ATAD1: variants seen among roughly 807,000 people sequenced by gnomAD.
ATAD1 encodes the protein ATPase family AAA domain containing 1.
ATAD1 carries 18 observed loss-of-function variants against 42.7 expected under a neutral mutation model. The observed-to-expected ratio is 0.42, with a 90% confidence interval of 0.29 to 0.63. ATAD1 has a LOEUF of 0.63. ATAD1 is among the 20% of genes least tolerant of loss of function. ATAD1 has a pLI of 0.19. For missense variants in ATAD1, 294 were observed against 440.4 expected, an observed-to-expected ratio of 0.67 and a Z score of 2.98; for synonymous variants, 132 against 143.1, an observed-to-expected ratio of 0.92 and a Z score of 0.55.
At chr10:87,811,080 C>A (rs532738795) in intron 2 of ATAD1, among the ~76,000 whole-genome samples, 6 of 152,292 alleles carry the variant, frequency 3.9e-5, no homozygotes, top group African/African-American at 1.2e-4. Flanking sequence ...CACCTGTAAT[C>A]TCAGCACTTT....
rs1293733667 is a variant in ATAD1, at chr10:87,751,726, A to C, written c.*2961T>G. On this transcript the variant is annotated 3_prime_UTR_variant, in exon 10 of 10. Transcript: ENST00000680024. Reference sequence around the variant, plus strand: ...ATTTCTGTCAGCTCTAGATGGAATTATTCTATGACTTCATTTGAAGCACCC... The same window carrying C: ...ATTTCTGTCAGCTCTAGATGGAATTCTTCTATGACTTCATTTGAAGCACCC... 1.3e-5 allele frequency: 2 copies of C among 152,238 alleles called. No homozygotes were observed. The highest frequency in any genetic ancestry group is 4.8e-5 in the African/African-American group (2 of 41,470). The allele number at this position is 152,238 out of a possible 1,614,324, so 9.4% of individuals were successfully genotyped here.
chr10:87,784,912 G>C (rs1344027851), intron 4 of ATAD1, among the ~76,000 whole-genome samples: 5 of 152,148 alleles, frequency 3.3e-5, no homozygotes, highest in African/African-American at 1.2e-4. Flanking sequence ...TCATGAAAAG[G>C]TTCAGTTTAA....
intron 4 of ATAD1, among the ~76,000 whole-genome samples, chr10:87,787,202 C>T (rs1855880461): frequency 6.6e-6 from 1 of 152,180 alleles, no homozygotes; most frequent in Non-Finnish European, 1.5e-5. Context: ...TTATAACCAA[C>T]TTCAACAAAT....
intron 2 of ATAD1, among the ~76,000 whole-genome samples, chr10:87,795,650 G>C (rs1323108835): frequency 6.6e-6 from 1 of 151,710 alleles, no homozygotes; most frequent in Non-Finnish European, 1.5e-5. Context: ...ACCCTTTCAT[G>C]CTATTTCACT....
chr10:87,811,517 AATTATGCTGC>A (rs1272273880), intron 2 of ATAD1, among the ~76,000 whole-genome samples: 7 of 152,246 alleles, frequency 4.6e-5, no homozygotes, highest in African/African-American at 1.4e-4. Context: ...TCAGCTTACC[AATTATGCTGC>A]ATTACACCAC....
chr10:87,769,898 G>A (rs763813968), intron 7 of ATAD1, among the ~76,000 whole-genome samples: 1 of 151,720 alleles, frequency 6.6e-6, no homozygotes. Context: ...AGCCAAGATC[G>A]CGTCACTGCA....
upstream of ATAD1, among the ~76,000 whole-genome samples, chr10:87,821,831 T>G (rs966932112): frequency 2.0e-5 from 3 of 152,236 alleles, no homozygotes; most frequent in African/African-American, 7.2e-5. Context: ...AGCCTATCAG[T>G]AAATCAGTAA....
intron 1 of ATAD1, among the ~76,000 whole-genome samples, chr10:87,839,657 T>G (rs1857994192): frequency 6.6e-6 from 1 of 152,090 alleles, no homozygotes; most frequent in African/African-American, 2.4e-5. Context: ...CTAAGGCAAT[T>G]TCATGTTATG....
chr10:87,816,275 CCATT>C (rs1857410732), intron 1 of ATAD1, among the ~76,000 whole-genome samples: 1 of 152,090 alleles, frequency 6.6e-6, no homozygotes, highest in African/African-American at 2.4e-5. Context: ...AGGAAATCTC[CCATT>C]CAATCATTGC....
intron 2 of ATAD1, among the ~76,000 whole-genome samples, chr10:87,813,472 A>G (rs1426411806): frequency 8.5e-5 from 13 of 152,060 alleles, no homozygotes; most frequent in Non-Finnish European, 1.6e-4. Flanking sequence ...AAAAGTTCAG[A>G]ATTCTCCAAA....
chr10:87,830,982 A>G (rs1857817939), intron 1 of ATAD1, among the ~76,000 whole-genome samples: 1 of 152,232 alleles, frequency 6.6e-6, no homozygotes, highest in Non-Finnish European at 1.5e-5. Flanking sequence ...AGTTTGGATT[A>G]GAAAGAATGT....
intron 5 of ATAD1, 42 bp from the exon 6 acceptor site, chr10:87,776,469 T>A: frequency 6.6e-7 from 1 of 1,504,058 alleles, no homozygotes; most frequent in Non-Finnish European, 9.2e-7. Context: ...TAAGAATTAA[T>A]TATTTACCCT....
At chr10:87,779,200 A>C (rs915109553) in intron 5 of ATAD1, among the ~76,000 whole-genome samples, 2 of 152,224 alleles carry the variant, frequency 1.3e-5, no homozygotes, top group African/African-American at 4.8e-5. Context: ...TGGGAGGCTG[A>C]GGCAGGAGAA....
chr10:87,806,552 G>GT (rs1369472675), intron 2 of ATAD1, among the ~76,000 whole-genome samples: 1 of 152,036 alleles, frequency 6.6e-6, no homozygotes, highest in Non-Finnish European at 1.5e-5. Flanking sequence ...CTAAGGTTTA[G>GT]TTTTACATGT....
At chr10:87,817,949 C>G in intron 1 of ATAD1, 1 of 985,628 alleles carries the variant, frequency 1.0e-6, no homozygotes. Flanking sequence ...AGGGCCCAGG[C>G]CGGGCCGGAC....
intron 2 of ATAD1, among the ~76,000 whole-genome samples, chr10:87,813,356 T>C (rs953641014): frequency 2.0e-5 from 3 of 151,750 alleles, no homozygotes; most frequent in South Asian, 4.1e-4. Flanking sequence ...GTTTTTCTTT[T>C]TTTTTTTTTT....
At chr10:87,798,625 G>GGTGGGTGTGTGTGTGTGTGTGTGT (rs1554881742) in intron 2 of ATAD1, among the ~76,000 whole-genome samples, 1 of 124,860 alleles carries the variant, frequency 8.0e-6, no homozygotes, top group African/African-American at 3.1e-5. Context: ...AGCTATAGGG[G>GGTGGGTGTGTGTGTGTGTGTGTGT]GTGTGTGTGT....
intron 3 of ATAD1, among the ~76,000 whole-genome samples, chr10:87,791,136 C>T (rs1040108328): frequency 1.4e-5 from 2 of 145,200 alleles, no homozygotes; most frequent in African/African-American, 2.6e-5. Context: ...ACCTGGGAGG[C>T]GGAGGTTACA....
At chr10:87,804,766 A>G (rs1181041110) in intron 2 of ATAD1, among the ~76,000 whole-genome samples, 3 of 152,200 alleles carry the variant, frequency 2.0e-5, no homozygotes, top group Non-Finnish European at 4.4e-5. Flanking sequence ...CTATTAAACT[A>G]CACATCTCAA....
Sources: allele counts gnomAD v4.1 joint callset (sites outside exome capture counted in the v4.1 genomes callset), GRCh38; gene constraint gnomAD v4.1.1; transcripts MANE v1.5; gene names NCBI Gene and HGNC (gene_info 2026-07-23, HGNC 2026-07-21).